MAPKAP1: variants seen among roughly 807,000 people sequenced by gnomAD.
MAPKAP1 encodes target of rapamycin complex 2 subunit MAPKAP1.
MAPKAP1 carries 20 observed loss-of-function variants against 65.7 expected under a neutral mutation model. The observed-to-expected ratio is 0.30, with a 90% confidence interval of 0.21 to 0.44. The LOEUF is 0.44. Ranked by LOEUF, MAPKAP1 falls within the 20% of genes least tolerant of loss-of-function variation. The pLI, the probability that MAPKAP1 is intolerant of heterozygous loss-of-function variation, is 1.00. For synonymous variants in MAPKAP1, 222 were observed against 244.3 expected (o/e 0.91, Z 0.85); for missense variants, 423 against 648.0 (o/e 0.65, Z 3.77).
intron 1 of MAPKAP1, among the ~76,000 whole-genome samples, chr9:125,703,632 C>A (rs1056696199): frequency 6.6e-6 from 1 of 152,136 alleles, no homozygotes; most frequent in South Asian, 2.1e-4. Flanking sequence ...ATTGGCCAGG[C>A]GTGGTGGCAC....
At chr9:125,481,392 T>A (rs917658297) in intron 9 of MAPKAP1, among the ~76,000 whole-genome samples, 6 of 152,282 alleles carry the variant, frequency 3.9e-5, no homozygotes, top group African/African-American at 1.4e-4. Flanking sequence ...GCTTTGACCC[T>A]CTGTCTTGAC....
intron 7 of MAPKAP1, among the ~76,000 whole-genome samples, chr9:125,510,968 A>G (rs1417892040): frequency 1.3e-5 from 2 of 152,174 alleles, no homozygotes; most frequent in Non-Finnish European, 2.9e-5. Flanking sequence ...CCTTGGCCTA[A>G]GTCCTGGCCA....
At chr9:125,554,236 C>T (rs1000606147) in intron 6 of MAPKAP1, among the ~76,000 whole-genome samples, 4 of 152,278 alleles carry the variant, frequency 2.6e-5, no homozygotes, top group Middle Eastern at 3.4e-3. Flanking sequence ...TATGAACAGT[C>T]TTGCTGGTCT....
intron 10 of MAPKAP1, among the ~76,000 whole-genome samples, chr9:125,456,965 A>G (rs945975653): frequency 1.3e-5 from 2 of 151,536 alleles, no homozygotes; most frequent in African/African-American, 2.4e-5. Flanking sequence ...TTTCATCATC[A>G]TACTAATCTG....
At chr9:125,562,595 G>C (rs564777021) in intron 5 of MAPKAP1, among the ~76,000 whole-genome samples, 4 of 152,254 alleles carry the variant, frequency 2.6e-5, no homozygotes, top group African/African-American at 9.6e-5. Flanking sequence ...ATTAGTAAAA[G>C]AAGCTACTGT....
intron 3 of MAPKAP1, among the ~76,000 whole-genome samples, chr9:125,661,128 A>G (rs1350143965): frequency 1.3e-5 from 2 of 152,234 alleles, no homozygotes; most frequent in Non-Finnish European, 1.5e-5. Flanking sequence ...AAGATTCTCA[A>G]CCACATTCAT....
Position 125,451,808 on chromosome 9 carries a change from G to GTTT in MAPKAP1, c.1346-7213_1346-7211dup, listed in dbSNP as rs71374268. On this transcript the variant is annotated intron_variant, in intron 10 of 11. Transcript: ENST00000265960. ...CAGATTCAAACATCTACTCACAGGA[G>GTTT]TTTTTTTTTTTTTTTTTTTGAGGCA... Among the ~76,000 whole-genome samples the GTTT allele has an allele frequency of 5.0e-3, 588 of 117,812 alleles. 19 individuals carry two copies. The highest frequency in any genetic ancestry group is 5.1e-3 in the Non-Finnish European group (299 of 58,726). The allele number at this position is 117,812 out of a possible 152,430, so 77.3% of individuals were successfully genotyped here. A position where few individuals can be genotyped will look rare whatever the true frequency, so the allele number is the denominator to read the frequency against.
rs775197177 is a variant in MAPKAP1, at chr9:125,672,384, T to C, written c.191A>G (p.Tyr64Cys). The change falls in exon 2 of 12, where the codon TAT becomes TGT. Residue 64 changes from tyrosine (Y) to cysteine (C), a missense_variant. This residue lies in a region of MAPKAP1 where 58 missense variants were observed against 56.9 expected (regional missense o/e 1.02). Transcript: ENST00000265960. ...AATATCGACTGACTGGGCATATACATAGCCCTGAGTCTCACCATTGCTTCC... is the reference window on the plus strand; with the variant it reads ...AATATCGACTGACTGGGCATATACACAGCCCTGAGTCTCACCATTGCTTCC... ...IQGSNGETQG[Y>C]VYAQSVDITS... The C allele has an allele frequency of 5.6e-6, 9 of 1,613,970 alleles. No homozygotes were observed. The highest frequency in any genetic ancestry group is 3.3e-5 in the Admixed American group (2 of 60,032).
At chr9:125,479,708 AGACAAGCAACTG>A (rs1854239520) in intron 9 of MAPKAP1, among the ~76,000 whole-genome samples, 1 of 152,218 alleles carries the variant, frequency 6.6e-6, no homozygotes, top group South Asian at 2.1e-4. Context: ...CCCCATCAGA[AGACAAGCAACTG>A]GGTGGCACTG....
chr9:125,444,914 A>C (rs771025354), intron 10 of MAPKAP1, among the ~76,000 whole-genome samples: 1 of 152,206 alleles, frequency 6.6e-6, no homozygotes, highest in Non-Finnish European at 1.5e-5. Flanking sequence ...TTAAGGGAGA[A>C]GGCTAATTAA....
At chr9:125,457,354 TTAAG>T (rs1182509382) in intron 10 of MAPKAP1, among the ~76,000 whole-genome samples, 1 of 152,220 alleles carries the variant, frequency 6.6e-6, no homozygotes, top group Non-Finnish European at 1.5e-5. Flanking sequence ...TTGGTTCTTC[TTAAG>T]TTTTAATTTT....
chr9:125,533,106 C>T (rs1449774997), intron 7 of MAPKAP1, among the ~76,000 whole-genome samples: 1 of 152,154 alleles, frequency 6.6e-6, no homozygotes, highest in East Asian at 1.9e-4. Flanking sequence ...TGTACGCATA[C>T]ACGCCTGCTT....
chr9:125,502,204 C>T (rs1200607542), intron 8 of MAPKAP1, among the ~76,000 whole-genome samples: 1 of 151,874 alleles, frequency 6.6e-6, no homozygotes, highest in African/African-American at 2.4e-5. Context: ...CAGGTTCAAG[C>T]GATCCCCCTG....
chr9:125,447,532 T>C lies in MAPKAP1; in HGVS notation c.1346-2934A>G, dbSNP rs986597884. 2.9e-5 allele frequency: 13 copies of C among 455,874 alleles called. No individual in the cohort carries two copies. The highest frequency in any genetic ancestry group is 1.2e-4 in the African/African-American group (6 of 49,958). The allele number at this position is 455,874 out of a possible 1,614,324, so 28.2% of individuals were successfully genotyped here. ...TAAGATCAGCAGCCATGCTGGGCCATAGGACATGGGGCGGACTCACTCCGC... is the reference window on the plus strand; with the variant it reads ...TAAGATCAGCAGCCATGCTGGGCCACAGGACATGGGGCGGACTCACTCCGC... On this transcript the variant is annotated intron_variant, in intron 10 of 11. Transcript: ENST00000265960. The surrounding 1 kb of genome is among the most constrained non-coding windows in gnomAD (Gnocchi z 4.5).
intron 7 of MAPKAP1, among the ~76,000 whole-genome samples, chr9:125,517,615 CAG>C (rs1398961715): frequency 6.6e-6 from 1 of 152,126 alleles, no homozygotes; most frequent in African/African-American, 2.4e-5. Context: ...AACCATCAAT[CAG>C]AAAGTGCCAA....
intron 4 of MAPKAP1, among the ~76,000 whole-genome samples, chr9:125,603,329 T>C (rs1832357762): frequency 6.6e-6 from 1 of 152,148 alleles, no homozygotes; most frequent in South Asian, 2.1e-4. Context: ...TAAATCTGGC[T>C]ACCCAGGTGG....
chr9:125,584,125 T>C (rs1251113308), intron 5 of MAPKAP1, among the ~76,000 whole-genome samples: 1 of 152,100 alleles, frequency 6.6e-6, no homozygotes, highest in Non-Finnish European at 1.5e-5. Flanking sequence ...TGTGACACCT[T>C]TTCCTGTTTC....
chr9:125,673,422 C>G (rs1834552185), intron 1 of MAPKAP1, among the ~76,000 whole-genome samples: 1 of 152,132 alleles, frequency 6.6e-6, no homozygotes, highest in Non-Finnish European at 1.5e-5. Flanking sequence ...AATGGGGTTT[C>G]TCCATGTTGG....
At chr9:125,615,364 A>T (rs1832715315) in intron 4 of MAPKAP1, among the ~76,000 whole-genome samples, 1 of 151,878 alleles carries the variant, frequency 6.6e-6, no homozygotes, top group African/African-American at 2.4e-5. Flanking sequence ...AATCTCAGGA[A>T]TTTTTTTTAA....
Sources: gnomAD v4.1 joint callset for allele counts (sites outside exome capture counted in the v4.1 genomes callset) on GRCh38, gnomAD v4.1.1 for gene constraint, gnomAD v4.1.1 regional missense constraint, Gnocchi (gnomAD v3.1) non-coding constraint, MANE v1.5 for transcripts, NCBI Gene and HGNC (gene_info 2026-07-23, HGNC 2026-07-21) for gene names.